Variants in KCNH5 observed in about 807,000 individuals in gnomAD.
The protein encoded by KCNH5 is potassium voltage-gated channel subfamily H member 5.
KCNH5 carries 46 observed loss-of-function variants against 96.1 expected under a neutral mutation model. That is an observed-to-expected ratio of 0.48 (90% CI 0.38 to 0.61). KCNH5 has a LOEUF of 0.61. Among genes scored for constraint, KCNH5 ranks in the 20% least tolerant of loss-of-function variants. KCNH5 has a pLI of 0.00. For synonymous variants in KCNH5, 439 were observed against 449.8 expected, an observed-to-expected ratio of 0.98 and a Z score of 0.30; for missense variants, 907 against 1,225.8, an observed-to-expected ratio of 0.74 and a Z score of 3.88.
At chr14:62,796,875 G>A (rs1480051369) in intron 9 of KCNH5, among the ~76,000 whole-genome samples, 1 of 152,168 alleles carries the variant, frequency 6.6e-6, no homozygotes, top group Non-Finnish European at 1.5e-5. Context: ...AGCAGAGAGG[G>A]AGCTTTCAGG....
chr14:62,729,395 C>T (rs1349106440), intron 10 of KCNH5, among the ~76,000 whole-genome samples: 1 of 152,118 alleles, frequency 6.6e-6, no homozygotes, highest in East Asian at 1.9e-4. Context: ...CTGTCCTGGG[C>T]AAAGGAGGAC....
intron 10 of KCNH5, among the ~76,000 whole-genome samples, chr14:62,718,587 T>C (rs1488178775): frequency 6.6e-6 from 1 of 152,148 alleles, no homozygotes; most frequent in Admixed American, 6.5e-5. Context: ...GTGGAGAAAC[T>C]GGAACCCTCA....
At chr14:63,002,934 G>A (rs1309234884) in intron 3 of KCNH5, among the ~76,000 whole-genome samples, 4 of 152,128 alleles carry the variant, frequency 2.6e-5, no homozygotes, top group Non-Finnish European at 5.9e-5. Flanking sequence ...ACCAGGAACT[G>A]TGAGTGATGT....
At chr14:63,007,966 T>C (rs1252125308) in intron 2 of KCNH5, among the ~76,000 whole-genome samples, 1 of 152,148 alleles carries the variant, frequency 6.6e-6, no homozygotes, top group Admixed American at 6.6e-5. Context: ...GAACTACATG[T>C]CTCTAAAACT....
At chr14:63,001,199 C>T in intron 4 of KCNH5, 132 bp downstream of exon 4, 2 of 694,332 alleles carry the variant, frequency 2.9e-6, no homozygotes, top group East Asian at 3.0e-5. Context: ...AAAACAGATT[C>T]CAAGCAATGA....
rs372085329 is a variant in KCNH5 at position 62,951,521 on chromosome 14, C to T, written c.943-962G>A. Among the ~76,000 whole-genome samples the T allele has an allele frequency of 2.1e-4, 32 of 152,270 alleles. No homozygotes were observed. The South Asian group carries it at 6.4e-3, about 31-fold the overall frequency. On this transcript the variant is annotated intron_variant, in intron 6 of 10. Coordinates refer to ENST00000322893, the MANE Select transcript of KCNH5 (RefSeq NM_139318.5). ...TATCCATGACTTCCTTACTGCTAAC[C>T]CTGTCTCCCAGAATGTAGACAAGGA...
At chr14:62,847,121 G>A (rs1238648449) in intron 8 of KCNH5, among the ~76,000 whole-genome samples, 5 of 146,642 alleles carry the variant, frequency 3.4e-5, no homozygotes, top group Non-Finnish European at 7.5e-5. Context: ...CTTTATTATT[G>A]TATTTTAAAA....
intron 1 of KCNH5, among the ~76,000 whole-genome samples, chr14:63,039,233 T>G (rs115552168): frequency 8.1e-4 from 124 of 152,232 alleles, no homozygotes; most frequent in African/African-American, 2.9e-3. Context: ...ATTTACTGAC[T>G]AAGAGGAAAC....
At chr14:62,799,868 T>C (rs1886624526) in intron 9 of KCNH5, among the ~76,000 whole-genome samples, 1 of 144,622 alleles carries the variant, frequency 6.9e-6, no homozygotes, top group African/African-American at 2.5e-5. Context: ...TTAATATATA[T>C]ATAATCCCTT....
At chr14:62,921,513 T>C (rs1024914317) in intron 7 of KCNH5, among the ~76,000 whole-genome samples, 1 of 152,112 alleles carries the variant, frequency 6.6e-6, no homozygotes, top group African/African-American at 2.4e-5. Context: ...GGAGAAGGAT[T>C]TGGAGATGAC....
At chr14:62,912,398 T>C (rs560355011) in intron 7 of KCNH5, among the ~76,000 whole-genome samples, 11 of 152,056 alleles carry the variant, frequency 7.2e-5, no homozygotes, top group Non-Finnish European at 1.3e-4. Context: ...ATTTACTTCC[T>C]TCTATATCTT....
At chr14:62,828,153 A>G (rs1887265837) in intron 8 of KCNH5, among the ~76,000 whole-genome samples, 1 of 150,688 alleles carries the variant, frequency 6.6e-6, no homozygotes, top group Admixed American at 6.6e-5. Flanking sequence ...ATTTTTTTGG[A>G]TTTCTGACTC....
At chr14:62,812,381 G>T (rs1003837510) in intron 8 of KCNH5, among the ~76,000 whole-genome samples, 4 of 152,058 alleles carry the variant, frequency 2.6e-5, no homozygotes, top group Non-Finnish European at 5.9e-5. Context: ...TGTTGATAAA[G>T]ACATAGGATT....
intron 6 of KCNH5, among the ~76,000 whole-genome samples, chr14:62,970,698 T>C (rs1890390523): frequency 6.6e-6 from 1 of 152,114 alleles, no homozygotes; most frequent in Admixed American, 6.6e-5. Context: ...GGTGCAACAT[T>C]TGAGAGTCAG....
chr14:62,874,640 A>C (rs1487477377), intron 7 of KCNH5, among the ~76,000 whole-genome samples: 1 of 151,652 alleles, frequency 6.6e-6, no homozygotes, highest in South Asian at 2.1e-4. Flanking sequence ...AAAATTCAAC[A>C]ACCTTCATGC....
At chr14:62,979,064 C>A (rs1378296936) in intron 6 of KCNH5, among the ~76,000 whole-genome samples, 1 of 152,138 alleles carries the variant, frequency 6.6e-6, no homozygotes, top group African/African-American at 2.4e-5. Context: ...TCACCCCACC[C>A]CTTGGTAACC....
chr14:62,704,428 T>C lies in KCNH5; in HGVS notation c.*3080A>G, dbSNP rs1884393707. 1 of 151,922 alleles carries C rather than the reference T, an allele frequency of 6.6e-6. No individual in the cohort carries two copies. Among genetic ancestry groups the C allele is most frequent in the South Asian group, 2.1e-4 (1 of 4,832 alleles). 9.4% of individuals were successfully genotyped at this position (151,922 alleles called of 1,614,324 possible). A position where few individuals can be genotyped will look rare whatever the true frequency, so the allele number is the denominator to read the frequency against. ...CTTTTGTGTGCCTATTTGCTTTTTATCATAATCTCTTCCATCTGCTAGATC... is the reference window on the plus strand; with the variant it reads ...CTTTTGTGTGCCTATTTGCTTTTTACCATAATCTCTTCCATCTGCTAGATC... On this transcript the variant is annotated 3_prime_UTR_variant, in exon 11 of 11. Transcript: ENST00000322893.
intron 7 of KCNH5, among the ~76,000 whole-genome samples, chr14:62,933,455 A>G (rs9323423): frequency 8.3e-4 from 100 of 120,192 alleles, no homozygotes; most frequent in Admixed American, 2.0e-3. Context: ...CATATATATT[A>G]TGTGTGTGTG....
intron 6 of KCNH5, among the ~76,000 whole-genome samples, chr14:62,978,206 G>A (rs911656533): frequency 6.6e-6 from 1 of 152,072 alleles, no homozygotes; most frequent in South Asian, 2.1e-4. Flanking sequence ...GTGTAAATAC[G>A]CCCACTGTGG....
Sources: gnomAD v4.1 joint callset for allele counts (sites outside exome capture counted in the v4.1 genomes callset) on GRCh38, gnomAD v4.1.1 for gene constraint, MANE v1.5 for transcripts, NCBI Gene and HGNC (gene_info 2026-07-23, HGNC 2026-07-21) for gene names.